The following MGMT variants were observed in gnomAD, a reference collection of about 807,000 sequenced individuals.
The protein encoded by MGMT is methylated-DNA--protein-cysteine methyltransferase.
MGMT carries 14 observed loss-of-function variants against 15.9 expected under a neutral mutation model. That is an observed-to-expected ratio of 0.88 (90% confidence interval 0.58 to 1.37). The LOEUF (loss-of-function observed/expected upper bound fraction) is 1.37, where lower values mean the gene tolerates loss of function less well. Among genes scored for constraint, MGMT ranks in the 40% most tolerant of loss-of-function variants. The pLI is 0.00. For synonymous variants in MGMT, 130 were observed against 118.2 expected, an observed-to-expected ratio of 1.10 and a Z score of -0.65; for missense variants, 282 against 268.1, an observed-to-expected ratio of 1.05 and a Z score of -0.36.
intron 1 of MGMT, among the ~76,000 whole-genome samples, chr10:129,474,947 G>T (rs544783549): frequency 6.6e-6 from 1 of 152,232 alleles, no homozygotes; most frequent in Admixed American, 6.5e-5. Flanking sequence ...CATACATTTT[G>T]TAGGTACTGG....
chr10:129,501,010 T>C (rs561370834), intron 1 of MGMT, among the ~76,000 whole-genome samples: 1 of 152,340 alleles, frequency 6.6e-6, no homozygotes, highest in South Asian at 2.1e-4. Context: ...AGAGGTAAAG[T>C]AAAGCCAAAA....
intron 2 of MGMT, among the ~76,000 whole-genome samples, chr10:129,653,164 C>A (rs1031451341): frequency 6.6e-6 from 1 of 152,206 alleles, no homozygotes; most frequent in Non-Finnish European, 1.5e-5. Flanking sequence ...CCCTTTATTT[C>A]AAGACTCTAC....
At chr10:129,518,695 T>A (rs910347338) in intron 1 of MGMT, among the ~76,000 whole-genome samples, 2 of 147,546 alleles carry the variant, frequency 1.4e-5, no homozygotes, top group Non-Finnish European at 3.0e-5. Flanking sequence ...TTCTAGTTTA[T>A]TTTACTGTAA....
intron 2 of MGMT, among the ~76,000 whole-genome samples, chr10:129,602,568 G>A (rs574912441): frequency 6.6e-5 from 10 of 152,300 alleles, no homozygotes; most frequent in Non-Finnish European, 1.0e-4. Flanking sequence ...AAGCAAAACA[G>A]ATGGGCCGTG....
intron 2 of MGMT, among the ~76,000 whole-genome samples, chr10:129,669,467 G>C (rs765164196): frequency 5.3e-5 from 8 of 152,010 alleles, no homozygotes; most frequent in Non-Finnish European, 1.2e-4. Context: ...TCCTATATGA[G>C]ATCAACCCAC....
At chr10:129,595,204 G>A (rs553601964) in intron 2 of MGMT, among the ~76,000 whole-genome samples, 3 of 152,190 alleles carry the variant, frequency 2.0e-5, no homozygotes, top group Admixed American at 6.5e-5. Flanking sequence ...AATTCTCCTC[G>A]GCACAGGAGG....
At chr10:129,634,782 A>G (rs767051570) in intron 2 of MGMT, among the ~76,000 whole-genome samples, 1 of 152,172 alleles carries the variant, frequency 6.6e-6, no homozygotes, top group East Asian at 1.9e-4. Flanking sequence ...TAATCTTAAC[A>G]TCTGAGTTAG....
chr10:129,598,331 CT>C (rs1846776871), intron 2 of MGMT, among the ~76,000 whole-genome samples: 1 of 152,178 alleles, frequency 6.6e-6, no homozygotes, highest in South Asian at 2.1e-4. Context: ...GTCTCTTGTT[CT>C]TTCTGGCGGC....
intron 2 of MGMT, among the ~76,000 whole-genome samples, chr10:129,678,804 G>A (rs911219959): frequency 8.5e-5 from 13 of 152,154 alleles, no homozygotes; most frequent in South Asian, 2.1e-4. Flanking sequence ...GGGCATGGTG[G>A]CTCATGCCTG....
At chr10:129,524,883 C>A (rs180955100) in intron 1 of MGMT, among the ~76,000 whole-genome samples, 1 of 152,156 alleles carries the variant, frequency 6.6e-6, no homozygotes, top group Non-Finnish European at 1.5e-5. Context: ...AGCCACCGCA[C>A]CCGGCCCCAG....
intron 1 of MGMT, among the ~76,000 whole-genome samples, chr10:129,519,450 C>T (rs954729849): frequency 6.6e-6 from 1 of 152,190 alleles, no homozygotes; most frequent in African/African-American, 2.4e-5. Flanking sequence ...ACTAGAGCAT[C>T]GGATTAATCA....
intron 2 of MGMT, among the ~76,000 whole-genome samples, chr10:129,705,341 G>A (rs542191930): frequency 6.6e-6 from 1 of 152,340 alleles, no homozygotes; most frequent in South Asian, 2.1e-4. Flanking sequence ...TTTCTTTTCT[G>A]AATGGATGTG....
chr10:129,747,955 C>T (rs1448024669), intron 3 of MGMT, among the ~76,000 whole-genome samples: 2 of 152,164 alleles, frequency 1.3e-5, no homozygotes, highest in African/African-American at 4.8e-5. Context: ...TGTCATTTTC[C>T]TGAGATCGTA....
At position 129,770,482 on chromosome 10, in the gene MGMT, G is replaced by A. The variant is rs7094495; in HGVS notation, c.*3485G>A. ...AGCCCTGGGGGCCACGTCCCCTCCC[G>A]GTCTCATCTGCCGCTTGCTCACCTT... On this transcript the variant is annotated 3_prime_UTR_variant, in exon 5 of 5. Coordinates refer to ENST00000651593, the MANE Select transcript of MGMT (RefSeq NM_002412.5). Among the ~76,000 whole-genome samples the A allele has an allele frequency of 1.8e-4, 28 of 152,058 alleles. No individual in the cohort carries two copies. The East Asian group carries it at 3.1e-3, about 17-fold the overall frequency.
chr10:129,506,592 T>C (rs915061477), intron 1 of MGMT, among the ~76,000 whole-genome samples: 2 of 152,086 alleles, frequency 1.3e-5, no homozygotes, highest in Non-Finnish European at 2.9e-5. Context: ...CTCGATGCTA[T>C]TGTAGATGTC....
At chr10:129,488,250 T>C (rs1284385173) in intron 1 of MGMT, among the ~76,000 whole-genome samples, 1 of 152,150 alleles carries the variant, frequency 6.6e-6, no homozygotes, top group African/African-American at 2.4e-5. Context: ...CTTGGAGTTA[T>C]CATGCTACTA....
At chr10:129,599,886 A>C (rs924749868) in intron 2 of MGMT, among the ~76,000 whole-genome samples, 2 of 152,210 alleles carry the variant, frequency 1.3e-5, no homozygotes, top group African/African-American at 2.4e-5. Context: ...ATGCGGATCA[A>C]GTGTCATATT....
intron 2 of MGMT, among the ~76,000 whole-genome samples, chr10:129,574,434 T>C (rs1337018202): frequency 2.0e-5 from 3 of 152,344 alleles, no homozygotes; most frequent in African/African-American, 7.2e-5. Flanking sequence ...CTTCATAAGA[T>C]TTTGCTAAGA....
rs1846360529 is a variant in MGMT, at chr10:129,566,834, G to A, written c.125+30457G>A. 1.3e-5 allele frequency among the ~76,000 whole-genome samples: 2 copies of A among 152,138 alleles called. No homozygotes were observed. The highest frequency in any genetic ancestry group is 4.8e-5 in the African/African-American group (2 of 41,432). ...ACATTTTTGAAGAGCTGCAGGCTGG[G>A]GAGCCCCCGTGGCGAACAGAGGCTC... On this transcript the variant is annotated intron_variant, in intron 2 of 4. Coordinates refer to ENST00000651593, the MANE Select transcript of MGMT (RefSeq NM_002412.5). This position sits in a 1 kb window ranked among gnomAD's most constrained non-coding sequence, Gnocchi z 4.1.
Sources: gnomAD v4.1 joint callset for allele counts (sites outside exome capture counted in the v4.1 genomes callset) on GRCh38, gnomAD v4.1.1 for gene constraint, Gnocchi (gnomAD v3.1) non-coding constraint, MANE v1.5 for transcripts, NCBI Gene and HGNC (gene_info 2026-07-23, HGNC 2026-07-21) for gene names.